CDON: variants seen among roughly 807,000 people sequenced by gnomAD.
CDON encodes the protein cell adhesion molecule-related/down-regulated by oncogenes.
Under a neutral mutation model 120.9 loss-of-function variants are expected in CDON, and 73 were observed. The ratio of observed to expected loss-of-function variants is 0.60; its 90% confidence interval spans 0.50 to 0.73. CDON has a LOEUF of 0.73. Among genes scored for constraint, CDON ranks in the 30% least tolerant of loss-of-function variants. CDON has a pLI of 0.00. For missense variants in CDON, 1,470 were observed against 1,587.3 expected (o/e 0.93, Z 1.26); for synonymous variants, 566 against 573.5 (o/e 0.99, Z 0.19).
Position 126,034,209 on chromosome 11 carries a change from T to C in CDON, c.-61-10672A>G, listed in dbSNP as rs555689674. ...AAGTCTCAGTCGAGTCAGCCAAGCA[T>C]ACAAACGATCCTGCTGCCTGCGAAA... On this transcript the variant is annotated intron_variant, in intron 1 of 19. Coordinates refer to ENST00000531738, the MANE Select transcript of CDON (RefSeq NM_001378964.1). This position sits in a 1 kb window ranked among gnomAD's most constrained non-coding sequence, Gnocchi z 4.5. Among the ~76,000 whole-genome samples, 1 of 152,116 alleles carries C rather than the reference T, an allele frequency of 6.6e-6. No homozygotes were observed. The highest frequency in any genetic ancestry group is 1.5e-5 in the Non-Finnish European group (1 of 68,020).
Position 125,984,100 on chromosome 11 carries a change from G to GA in CDON, c.2774-8dup, listed in dbSNP as rs746613146. The stretch of plus-strand genomic sequence containing the variant: ...GCTCCAGGAACACGTTTCACTAGTT[G>GA]AAATATAAAGGAAAACATGATGTCA... On this transcript the variant is annotated splice_polypyrimidine_tract_variant and splice_region_variant and intron_variant, in intron 15 of 19. Coordinates refer to ENST00000531738, the MANE Select transcript of CDON (RefSeq NM_001378964.1). 42 of 1,567,480 alleles carry GA rather than the reference G, an allele frequency of 2.7e-5. No individual in the cohort carries two copies. Among genetic ancestry groups the GA allele is most frequent in the Non-Finnish European group, 3.3e-5 (37 of 1,137,602 alleles).
chr11:126,040,311 C>T (rs980127415), intron 1 of CDON, among the ~76,000 whole-genome samples: 1 of 152,088 alleles, frequency 6.6e-6, no homozygotes, highest in Non-Finnish European at 1.5e-5. Flanking sequence ...AGAAACGGGA[C>T]CTTGTCTATT....
chr11:126,030,612 C>T (rs944489991), intron 1 of CDON, among the ~76,000 whole-genome samples: 2 of 152,210 alleles, frequency 1.3e-5, no homozygotes, highest in South Asian at 2.1e-4. Flanking sequence ...TGATTCATCT[C>T]GATTTTCAAA....
rs1035052219 is a variant in CDON, at chr11:126,006,042, T to C, written c.1568A>G (p.Asn523Ser). The C allele has an allele frequency of 4.3e-6, 7 of 1,613,962 alleles. No homozygotes were observed. The highest frequency in any genetic ancestry group is 5.9e-6 in the Non-Finnish European group (7 of 1,179,944). Residue 523 changes from asparagine to serine, a missense_variant, in exon 9 of 20, where the codon AAT becomes AGT. By Grantham distance (46) the Asn-to-Ser change is conservative. Transcript: ENST00000531738. The part of the protein sequence containing the change: ...ASLMVVPFET[N>S]TKAETVTLPD... ...AAGTGTGACTGTCTCTGCTTTTGTA[T>C]TTGTTTCAAAAGGAACTGCAGGGAG...
At chr11:125,968,434 G>A (rs1459902633) in intron 18 of CDON, among the ~76,000 whole-genome samples, 1 of 152,228 alleles carries the variant, frequency 6.6e-6, no homozygotes, top group East Asian at 1.9e-4. Context: ...CAGGACTGGA[G>A]GAGCGGGCGA....
intron 1 of CDON, among the ~76,000 whole-genome samples, chr11:126,035,042 C>T (rs1591412570): frequency 6.6e-6 from 1 of 152,196 alleles, no homozygotes; most frequent in South Asian, 2.1e-4. Flanking sequence ...TAGTTGTTAA[C>T]AGGTCCAGCG....
In CDON at chr11:125,994,408, G is replaced by T; in HGVS notation, c.2545-19C>A. On this transcript the variant is annotated intron_variant, in intron 13 of 19. Transcript: ENST00000531738. Reference sequence around the variant, plus strand: ...GAATGTACTAAAAAACAGAAGCAAAGACTTGTCAAAGAGAAAAATTAATGT... The same window carrying T: ...GAATGTACTAAAAAACAGAAGCAAATACTTGTCAAAGAGAAAAATTAATGT... 7.6e-7 allele frequency: 1 copy of T among 1,317,886 alleles called. No homozygotes were observed. 81.6% of individuals were successfully genotyped at this position (1,317,886 alleles called of 1,614,324 possible).
chr11:126,055,236 T>C (rs1037143727), intron 1 of CDON, among the ~76,000 whole-genome samples: 1 of 152,076 alleles, frequency 6.6e-6, no homozygotes, highest in African/African-American at 2.4e-5. Context: ...CTGAATCTCC[T>C]CTGTCCCTCT....
At chr11:125,971,125 T>C (rs2134385875) in intron 18 of CDON, among the ~76,000 whole-genome samples, 1 of 152,312 alleles carries the variant, frequency 6.6e-6, no homozygotes, top group Non-Finnish European at 1.5e-5. Context: ...GGCTCACGCC[T>C]GTAATCCCAG....
chr11:125,960,597 C>T lies in CDON; in HGVS notation c.*345G>A, dbSNP rs1253529941. The T allele has an allele frequency of 6.7e-6, 2 of 296,322 alleles. No individual in the cohort carries two copies. Among genetic ancestry groups the T allele is most frequent in the African/African-American group, 2.2e-5 (1 of 45,228 alleles). 18.4% of individuals were successfully genotyped at this position (296,322 alleles called of 1,614,324 possible). On this transcript the variant is annotated 3_prime_UTR_variant, in exon 20 of 20. Transcript: ENST00000531738. The stretch of plus-strand genomic sequence containing the variant: ...ACGGGCCCCTGCATTCCCTCCTAGC[C>T]GAAGCAGCCAAGAGATGGGATCCTT...
intron 18 of CDON, among the ~76,000 whole-genome samples, chr11:125,973,926 G>A (rs889736271): frequency 4.7e-5 from 7 of 150,372 alleles, no homozygotes; most frequent in African/African-American, 7.4e-5. Flanking sequence ...ACAGAGTTTC[G>A]CTCTTGTTGC....
intron 1 of CDON, among the ~76,000 whole-genome samples, chr11:126,051,895 C>T (rs527926448): frequency 3.7e-4 from 57 of 152,036 alleles, no homozygotes; most frequent in African/African-American, 1.1e-3. Context: ...GTGATCCACC[C>T]GCCTCAGCCT....
At chr11:125,988,167 T>A (rs1199487958) in intron 15 of CDON, among the ~76,000 whole-genome samples, 1 of 152,050 alleles carries the variant, frequency 6.6e-6, no homozygotes, top group African/African-American at 2.4e-5. Flanking sequence ...GTTTAGGGGC[T>A]GTGTGGGGCT....
At chr11:126,023,967 A>G (rs770008907) in intron 1 of CDON, among the ~76,000 whole-genome samples, 3 of 152,232 alleles carry the variant, frequency 2.0e-5, no homozygotes, top group Non-Finnish European at 4.4e-5. Context: ...CAGTGCTTTA[A>G]TACACGAATT....
chr11:126,017,995 G>A (rs376335213), intron 5 of CDON, among the ~76,000 whole-genome samples: 5 of 151,882 alleles, frequency 3.3e-5, no homozygotes, highest in East Asian at 3.9e-4. Context: ...TGCCTCCCAC[G>A]TTCAAGCGAT....
intron 16 of CDON, among the ~76,000 whole-genome samples, chr11:125,981,965 A>ATTTTTTTT (rs1591562448): frequency 3.2e-4 from 11 of 34,412 alleles, no homozygotes; most frequent in East Asian, 1.3e-3. Context: ...AAGTGATTCT[A>ATTTTTTTT]TTTTCTTTTT....
rs1352215408 is a variant in CDON, at chr11:125,978,326, G to A, written c.3334C>T (p.Arg1112Ter). 5.0e-6 allele frequency: 8 copies of A among 1,606,286 alleles called. No homozygotes were observed. The highest frequency in any genetic ancestry group is 1.1e-5 in the South Asian group (1 of 89,792). ...TACCTATTGTTGTTTCGACAATTTC[G>A]GCAGTTAACACACTCCAGAGGGTCA... ...QIDPLECVNC[R>*]NCRNNNRCFT... The change falls in exon 18 of 20, where the codon CGA becomes TGA. Residue 1112 changes from arginine to a stop codon, truncating the protein, a stop_gained. Transcript: ENST00000531738. LOFTEE classifies it high-confidence loss of function.
Position 125,978,377 on chromosome 11 carries a change from C to T in CDON, c.3283G>A (p.Gly1095Arg). The T allele has an allele frequency of 6.2e-7, 1 of 1,602,600 alleles. No individual in the cohort carries two copies. Among genetic ancestry groups the T allele is most frequent in the Non-Finnish European group, 8.5e-7 (1 of 1,171,760 alleles). ...EHPHHLVNGG[G>R]MYTAVPQIDP... ...ATCTGAGGCACGGCCGTGTACATTCCACCACCCTGGACAGGAAGGAGTGTC... is the reference window on the plus strand; with the variant it reads ...ATCTGAGGCACGGCCGTGTACATTCTACCACCCTGGACAGGAAGGAGTGTC... Residue 1095 changes from glycine (G) to arginine (R), a missense_variant, in exon 18 of 20, where the codon GGA becomes AGA. Transcript: ENST00000531738.
chr11:126,035,382 G>C (rs1202234992), intron 1 of CDON, among the ~76,000 whole-genome samples: 1 of 152,164 alleles, frequency 6.6e-6, no homozygotes, highest in African/African-American at 2.4e-5. Flanking sequence ...TAGAGACCTA[G>C]AACATATTAA....
Sources: allele counts gnomAD v4.1 joint callset (sites outside exome capture counted in the v4.1 genomes callset), GRCh38; gene constraint gnomAD v4.1.1; non-coding constraint Gnocchi (gnomAD v3.1); transcripts MANE v1.5; gene names NCBI Gene and HGNC (gene_info 2026-07-23, HGNC 2026-07-21).